The following UGT1A10 variants were observed in gnomAD, a reference collection of about 807,000 sequenced individuals.
UGT1A10 encodes the protein UDP-glucuronosyltransferase 1A10.
In UGT1A10, 49 loss-of-function variants were observed where a neutral mutation model predicts 45.8. That is an observed-to-expected ratio of 1.07 (90% CI 0.85 to 1.36). UGT1A10 has a LOEUF of 1.36. UGT1A10 is among the 40% of genes most tolerant of loss of function. UGT1A10 has a pLI of 0.00. For missense variants in UGT1A10, 745 were observed against 668.6 expected, an observed-to-expected ratio of 1.11 and a Z score of -1.26; for synonymous variants, 284 against 249.7, an observed-to-expected ratio of 1.14 and a Z score of -1.29.
intron 1 of UGT1A10, among the ~76,000 whole-genome samples, chr2:233,704,952 A>G (rs1012148200): frequency 3.3e-5 from 5 of 152,108 alleles, no homozygotes; most frequent in African/African-American, 4.8e-5. Context: ...CCTGGCCAAC[A>G]TGGTGAAACC....
intron 1 of UGT1A10, chr2:233,690,985 T>G (rs2125547210): frequency 1.7e-5 from 17 of 995,592 alleles, no homozygotes; most frequent in South Asian, 4.5e-5. Context: ...GACCCACATA[T>G]GAGCAACAGG....
chr2:233,747,456 A>G (rs1299694493), intron 1 of UGT1A10: 47 of 1,608,814 alleles, frequency 2.9e-5, no homozygotes, highest in Non-Finnish European at 3.7e-5. Context: ...AACCTATGCC[A>G]TTTCATGGAC....
chr2:233,720,952 C>T (rs374895724), intron 1 of UGT1A10, among the ~76,000 whole-genome samples: 224 of 149,770 alleles, frequency 1.5e-3, no homozygotes, highest in African/African-American at 5.2e-3. Flanking sequence ...CTCATGTGAT[C>T]TGCCCGCCTC....
At chr2:233,732,867 G>A (rs368077438) in intron 1 of UGT1A10, among the ~76,000 whole-genome samples, 9 of 150,836 alleles carry the variant, frequency 6.0e-5, no homozygotes, top group South Asian at 4.2e-4. Context: ...GTAGCTTGAT[G>A]GGTTTGGCAT....
At chr2:233,744,867 G>T (rs1318227544) in intron 1 of UGT1A10, among the ~76,000 whole-genome samples, 4 of 151,860 alleles carry the variant, frequency 2.6e-5, no homozygotes, top group African/African-American at 7.3e-5. Flanking sequence ...ATTCTGAAGG[G>T]ATTAGTTTAG....
chr2:233,636,796 G>C lies in UGT1A10; in HGVS notation c.274G>C (p.Val92Leu). The change falls in exon 1 of 5, where the codon GTT becomes CTT. Residue 92 changes from valine to leucine, a missense_variant. Val to Leu is a conservative substitution (Grantham distance 32). Transcript: ENST00000344644. ...TLEDQNREFMVFAHAQWKAQA... is the reference protein window; with the variant it reads ...TLEDQNREFMLFAHAQWKAQA... ...GGAAGATCAGAACCGGGAATTCATG[G>C]TTTTCGCCCATGCTCAATGGAAAGC... The C allele has an allele frequency of 1.7e-5, 28 of 1,614,196 alleles. No homozygotes were observed. The highest frequency in any genetic ancestry group is 2.4e-5 in the Non-Finnish European group (28 of 1,180,028).
intron 1 of UGT1A10, chr2:233,756,307 C>T (rs1373805537): frequency 6.6e-6 from 1 of 152,200 alleles, no homozygotes; most frequent in Non-Finnish European, 1.5e-5. Context: ...ATATAACCTA[C>T]CCATATCCTC....
chr2:233,730,008 C>A (rs1346345319), intron 1 of UGT1A10: 25 of 1,613,892 alleles, frequency 1.5e-5, no homozygotes, highest in Non-Finnish European at 2.1e-5. Context: ...GTATTGGTGC[C>A]TTCATCCAAT....
At chr2:233,743,902 G>A (rs770691045) in intron 1 of UGT1A10, 7 of 1,366,518 alleles carry the variant, frequency 5.1e-6, no homozygotes, top group South Asian at 1.1e-5. Context: ...CCAGCACCTC[G>A]TAGTAGTCCA....
chr2:233,673,817 T>A (rs1433615483), intron 1 of UGT1A10, among the ~76,000 whole-genome samples: 1 of 152,212 alleles, frequency 6.6e-6, no homozygotes, highest in African/African-American at 2.4e-5. Flanking sequence ...ACTTATCTTA[T>A]TATTTTGTAG....
intron 1 of UGT1A10, among the ~76,000 whole-genome samples, chr2:233,716,634 C>T (rs1575513660): frequency 6.6e-6 from 1 of 152,096 alleles, no homozygotes; most frequent in Non-Finnish European, 1.5e-5. Context: ...AAGTTTTTAT[C>T]GTTTGTACTT....
Position 233,769,484 on chromosome 2 carries a change from T to C in UGT1A10, c.1295+1045T>C, listed in dbSNP as rs774504306. 6.2e-6 allele frequency: 10 copies of C among 1,612,518 alleles called. No homozygotes were observed. The South Asian group carries it at 9.9e-5, about 16-fold the overall frequency. Reference sequence around the variant, plus strand: ...ATATGCGTGTGTGTGTGTGTGCGTGTGTTTATGAGAGTGTCCATTGCTTTC... The same window carrying C: ...ATATGCGTGTGTGTGTGTGTGCGTGCGTTTATGAGAGTGTCCATTGCTTTC... On this transcript the variant is annotated intron_variant, in intron 4 of 4. Coordinates refer to ENST00000344644, the MANE Select transcript of UGT1A10 (RefSeq NM_019075.4). This position sits in a 1 kb window ranked among gnomAD's most constrained non-coding sequence, Gnocchi z 4.4.
At chr2:233,759,612 A>T (rs992811783) in intron 1 of UGT1A10, among the ~76,000 whole-genome samples, 1 of 32,712 alleles carries the variant, frequency 3.1e-5, no homozygotes, top group African/African-American at 8.8e-5. Flanking sequence ...CGCCCCACCC[A>T]CCCACCTGTT....
chr2:233,689,879 G>A (rs1344729822), intron 1 of UGT1A10: 1 of 456,572 alleles, frequency 2.2e-6, no homozygotes, highest in South Asian at 1.5e-5. Context: ...TGCTTATCAA[G>A]TGCCTTATTT....
chr2:233,697,232 TTTTA>T (rs1162508467), intron 1 of UGT1A10, among the ~76,000 whole-genome samples: 1 of 152,140 alleles, frequency 6.6e-6, no homozygotes, highest in Non-Finnish European at 1.5e-5. Context: ...ATGAGAGACT[TTTTA>T]TTACTGCTTC....
At chr2:233,672,088 G>A (rs776099875) in intron 1 of UGT1A10, 2 of 1,614,126 alleles carry the variant, frequency 1.2e-6, no homozygotes, top group East Asian at 4.5e-5. Flanking sequence ...CATTCTCAGG[G>A]GGCATGAGGT....
intron 1 of UGT1A10, among the ~76,000 whole-genome samples, chr2:233,686,387 G>A (rs2074786384): frequency 2.0e-5 from 3 of 152,152 alleles, no homozygotes; most frequent in South Asian, 2.1e-4. Flanking sequence ...AAGACAACTC[G>A]TGTGGGCGCC....
Position 233,681,424 on chromosome 2 carries a change from C to T in UGT1A10, c.855+44047C>T, listed in dbSNP as rs150455552. ...CAGCGTGCGCCTGTAATCCCAGCTA[C>T]TGAGGCTGAGGCAGGAGAATCGTTT... On this transcript the variant is annotated intron_variant, in intron 1 of 4. Transcript: ENST00000344644. Among the ~76,000 whole-genome samples, 5 of 150,166 alleles carry T rather than the reference C, an allele frequency of 3.3e-5. No homozygotes were observed. The East Asian group carries it at 1.0e-3, about 30-fold the overall frequency.
At chr2:233,747,120 A>T in intron 1 of UGT1A10, 1 of 1,469,012 alleles carries the variant, frequency 6.8e-7, no homozygotes, top group Non-Finnish European at 9.2e-7. Context: ...ATGATTTGCT[A>T]AGTGGCTCAG....
Sources: gnomAD v4.1 joint callset for allele counts (sites outside exome capture counted in the v4.1 genomes callset) on GRCh38, gnomAD v4.1.1 for gene constraint, Gnocchi (gnomAD v3.1) non-coding constraint, MANE v1.5 for transcripts, NCBI Gene and HGNC (gene_info 2026-07-23, HGNC 2026-07-21) for gene names.